Variants in TTC1 observed in about 807,000 individuals in gnomAD.
TTC1 encodes the protein tetratricopeptide repeat domain 1, also known as tetratricopeptide repeat protein 1.
TTC1 carries 31 observed loss-of-function variants against 37.6 expected under a neutral mutation model. That is an observed-to-expected ratio of 0.82 (90% confidence interval 0.62 to 1.11). TTC1 has a LOEUF of 1.11. TTC1 is among the 50% of genes most tolerant of loss of function. The pLI is 0.00. For synonymous variants in TTC1, 127 were observed against 122.4 expected, an observed-to-expected ratio of 1.04 and a Z score of -0.25; for missense variants, 351 against 339.0, an observed-to-expected ratio of 1.04 and a Z score of -0.28.
chr5:160,062,851 C>A (rs918751815), intron 7 of TTC1, among the ~76,000 whole-genome samples: 8 of 151,976 alleles, frequency 5.3e-5, no homozygotes, highest in Admixed American at 1.3e-4. Context: ...AACCCCAGAA[C>A]AAACTGCCAG....
intron 2 of TTC1, among the ~76,000 whole-genome samples, chr5:160,029,652 A>C (rs1756872073): frequency 6.6e-6 from 1 of 152,156 alleles, no homozygotes; most frequent in African/African-American, 2.4e-5. Context: ...TAAATAAATA[A>C]GTAAAAATTG....
intron 2 of TTC1, among the ~76,000 whole-genome samples, chr5:160,019,491 T>C (rs189910207): frequency 6.6e-6 from 1 of 152,104 alleles, no homozygotes; most frequent in African/African-American, 2.4e-5. Flanking sequence ...TCCAAAAAGT[T>C]CTCAGTAACT....
intron 7 of TTC1, among the ~76,000 whole-genome samples, chr5:160,062,362 G>A (rs188090358): frequency 8.5e-5 from 13 of 152,248 alleles, no homozygotes; most frequent in Non-Finnish European, 1.5e-4. Flanking sequence ...TCTGGAGCAC[G>A]GTGACATGCC....
intron 7 of TTC1, among the ~76,000 whole-genome samples, chr5:160,064,593 G>A (rs540607818): frequency 6.6e-6 from 1 of 152,310 alleles, no homozygotes; most frequent in South Asian, 2.1e-4. Flanking sequence ...TGGAACAGCA[G>A]TTGGTTTTCC....
At chr5:160,037,152 A>G (rs771245860) in intron 4 of TTC1, among the ~76,000 whole-genome samples, 1 of 152,198 alleles carries the variant, frequency 6.6e-6, no homozygotes, top group African/African-American at 2.4e-5. Flanking sequence ...ATAAACATGC[A>G]AAGGCACAGG....
At chr5:160,038,928 T>G (rs1757042465) in intron 4 of TTC1, 1 of 152,290 alleles carries the variant, frequency 6.6e-6, no homozygotes, top group Non-Finnish European at 1.5e-5. Context: ...CCCAAAGTGC[T>G]GGGATTACAG....
At position 160,010,622 on chromosome 5, in the gene TTC1, C is replaced by T. The variant is rs1313756265; in HGVS notation, c.94C>T (p.Pro32Ser). Residue 32 changes from proline to serine, a missense_variant, in exon 2 of 8, where the codon CCA becomes TCA. Physicochemically the swap from Pro to Ser is moderately conservative, Grantham distance 74 (BLOSUM62 -1). Coordinates refer to ENST00000231238, the MANE Select transcript of TTC1 (RefSeq NM_003314.3). ...TCAGGAAGCCGAGTGTGCTGGCCCT[C>T]CAGTTCCTGATCCCAAAAATCAGCA... Reference protein sequence around the residue: ...DTQEAECAGPPVPDPKNQHSQ... With the variant: ...DTQEAECAGPSVPDPKNQHSQ... 3 of 1,613,968 alleles carry T rather than the reference C, an allele frequency of 1.9e-6. No individual in the cohort carries two copies. Among genetic ancestry groups the T allele is most frequent in the Non-Finnish European group, 1.7e-6 (2 of 1,180,022 alleles).
chr5:160,010,645 G>C lies in TTC1; in HGVS notation c.117G>C (p.Gln39His). 6.2e-7 allele frequency: 1 copy of C among 1,614,056 alleles called. No homozygotes were observed. Among genetic ancestry groups the C allele is most frequent in the Non-Finnish European group, 8.5e-7 (1 of 1,179,974 alleles). Residue 39 changes from glutamine (Q) to histidine (H), a missense_variant, in exon 2 of 8, where the codon CAG (glutamine) becomes CAC (histidine). Gln to His is a conservative substitution (Grantham distance 24, BLOSUM62 0). Coordinates refer to ENST00000231238, the MANE Select transcript of TTC1 (RefSeq NM_003314.3). ...CTCCAGTTCCTGATCCCAAAAATCA[G>C]CATTCCCAGAGTAAGCTGCTCAGGG... is the stretch of plus-strand genomic sequence containing the variant. The part of the protein sequence containing the change: ...AGPPVPDPKN[Q>H]HSQSKLLRDD...
At chr5:160,018,957 T>C (rs985737674) in intron 2 of TTC1, among the ~76,000 whole-genome samples, 1 of 152,210 alleles carries the variant, frequency 6.6e-6, no homozygotes, top group Non-Finnish European at 1.5e-5. Flanking sequence ...GAATGATTCC[T>C]TGTCTTCAGC....
At chr5:160,058,721 A>G (rs1011813264) in intron 7 of TTC1, among the ~76,000 whole-genome samples, 1 of 152,126 alleles carries the variant, frequency 6.6e-6, no homozygotes, top group Non-Finnish European at 1.5e-5. Context: ...AATGAAGTGT[A>G]TTTCTTAAAT....
Position 160,064,983 on chromosome 5 carries a change from C to A in TTC1, c.797C>A (p.Thr266Lys), listed in dbSNP as rs535272318. 9 of 1,613,860 alleles carry A rather than the reference C, an allele frequency of 5.6e-6. No homozygotes were observed. Among genetic ancestry groups the A allele is most frequent in the Non-Finnish European group, 7.6e-6 (9 of 1,180,014 alleles). ...NLVLRPFGLS[T>K]ENFQIKQDSS... ...GTTCTCCGACCTTTTGGGCTCTCCA[C>A]GGAAAATTTCCAGATCAAACAGGAT... Residue 266 changes from threonine to lysine, a missense_variant, in exon 8 of 8, where the codon ACG becomes AAG. By Grantham distance (78) the Thr-to-Lys change is moderately conservative. Transcript: ENST00000231238.
At chr5:160,059,164 T>C (rs374061244) in intron 7 of TTC1, among the ~76,000 whole-genome samples, 1 of 147,184 alleles carries the variant, frequency 6.8e-6, no homozygotes, top group East Asian at 2.0e-4. Context: ...TTGAAAGTCC[T>C]ATACGGCATC....
At chr5:160,019,002 A>G (rs1756655032) in intron 2 of TTC1, among the ~76,000 whole-genome samples, 1 of 152,234 alleles carries the variant, frequency 6.6e-6, no homozygotes. Flanking sequence ...ATTAATATGA[A>G]GAAGATGAAG....
intron 2 of TTC1, among the ~76,000 whole-genome samples, chr5:160,013,207 CTG>C (rs1581090841): frequency 6.6e-6 from 1 of 152,144 alleles, no homozygotes; most frequent in Non-Finnish European, 1.5e-5. Flanking sequence ...CTTCAGCTAA[CTG>C]TGGTACTACT....
chr5:160,022,962 A>C (rs1386521442), intron 2 of TTC1, among the ~76,000 whole-genome samples: 2 of 152,164 alleles, frequency 1.3e-5, no homozygotes, highest in African/African-American at 4.8e-5. Flanking sequence ...CCTGCAATTA[A>C]TAGACAAAAT....
chr5:160,010,884 A>G (rs1756490936), intron 2 of TTC1, 26 bp downstream of exon 2: 2 of 1,590,642 alleles, frequency 1.3e-6, no homozygotes, highest in Non-Finnish European at 1.7e-6. Flanking sequence ...ATTGTGCAAG[A>G]TCTGCCACTT....
chr5:160,054,334 C>T (rs1399310631), intron 7 of TTC1, among the ~76,000 whole-genome samples: 12 of 152,206 alleles, frequency 7.9e-5, no homozygotes. Flanking sequence ...AAAAAGTTGG[C>T]TGGGTACAGT....
At chr5:160,056,879 T>G (rs1381652539) in intron 7 of TTC1, among the ~76,000 whole-genome samples, 2 of 152,230 alleles carry the variant, frequency 1.3e-5, no homozygotes, top group Non-Finnish European at 2.9e-5. Flanking sequence ...TAGAAGGTCC[T>G]AGAATCAGCT....
intron 2 of TTC1, among the ~76,000 whole-genome samples, chr5:160,025,336 T>C (rs554898859): frequency 3.3e-5 from 5 of 152,228 alleles, no homozygotes; most frequent in African/African-American, 1.2e-4. Context: ...CTAATTTTTG[T>C]TTTTTAGTAG....
Sources: gnomAD v4.1 joint callset for allele counts (sites outside exome capture counted in the v4.1 genomes callset) on GRCh38, gnomAD v4.1.1 for gene constraint, MANE v1.5 for transcripts, NCBI Gene and HGNC (gene_info 2026-07-23, HGNC 2026-07-21) for gene names.